The following PTPRN2 variants were observed in gnomAD, a reference collection of about 807,000 sequenced individuals.
PTPRN2 encodes protein tyrosine phosphatase receptor type N2.
PTPRN2 carries 74 observed loss-of-function variants against 118.8 expected under a neutral mutation model. The ratio of observed to expected loss-of-function variants is 0.62; its 90% CI spans 0.52 to 0.76. The LOEUF (loss-of-function observed/expected upper bound fraction) is 0.76. Ranked by LOEUF, PTPRN2 falls within the 30% of genes least tolerant of loss-of-function variation. The pLI is 0.00. For missense variants in PTPRN2, 1,481 were observed against 1,394.4 expected (o/e 1.06, Z -0.99); for synonymous variants, 641 against 608.0 (o/e 1.05, Z -0.80).
intron 6 of PTPRN2, among the ~76,000 whole-genome samples, chr7:158,149,297 A>T (rs569035769): frequency 6.6e-6 from 1 of 152,200 alleles, no homozygotes; most frequent in Non-Finnish European, 1.5e-5. Context: ...TTATAAAGCA[A>T]TGTCATCAAT....
intron 11 of PTPRN2, among the ~76,000 whole-genome samples, chr7:157,969,813 C>T (rs1802194723): frequency 6.6e-6 from 1 of 151,964 alleles, no homozygotes; most frequent in Non-Finnish European, 1.5e-5. Context: ...GCTGGAGTCA[C>T]AGACCTGGAT....
At chr7:157,673,128 A>G (rs1796494575) in intron 13 of PTPRN2, among the ~76,000 whole-genome samples, 2 of 151,972 alleles carry the variant, frequency 1.3e-5, no homozygotes, top group Non-Finnish European at 2.9e-5. Flanking sequence ...GGTTCAAGCA[A>G]TTTTCCTGCC....
At chr7:158,180,599 G>C (rs1353810634) in intron 5 of PTPRN2, among the ~76,000 whole-genome samples, 2 of 152,148 alleles carry the variant, frequency 1.3e-5, no homozygotes, top group African/African-American at 4.8e-5. Context: ...ATTTGTTTGT[G>C]TCATCTACAG....
chr7:158,318,823 C>T (rs957734230), intron 2 of PTPRN2, among the ~76,000 whole-genome samples: 4 of 152,192 alleles, frequency 2.6e-5, no homozygotes, highest in Non-Finnish European at 5.9e-5. Flanking sequence ...TCGGCCACTC[C>T]GGGTGTCTGC....
chr7:157,897,301 C>T (rs987242135), intron 12 of PTPRN2, among the ~76,000 whole-genome samples: 1 of 152,166 alleles, frequency 6.6e-6, no homozygotes, highest in South Asian at 2.1e-4. Context: ...GTCACAGCCA[C>T]CCCCGGCTGA....
intron 2 of PTPRN2, among the ~76,000 whole-genome samples, chr7:158,449,252 T>A (rs1269609076): frequency 1.3e-5 from 2 of 152,088 alleles, no homozygotes; most frequent in Non-Finnish European, 2.9e-5. Flanking sequence ...CAATTCCAGG[T>A]ACATGTCAAT....
chr7:157,656,637 A>G, intron 13 of PTPRN2, 86 bp from the exon 14 acceptor site: 4 of 1,279,550 alleles, frequency 3.1e-6, no homozygotes, highest in East Asian at 2.5e-5. Flanking sequence ...ACGTGGCACA[A>G]CCCCTTCTCC....
chr7:157,726,688 A>G (rs1435159655), intron 12 of PTPRN2, among the ~76,000 whole-genome samples: 1 of 152,250 alleles, frequency 6.6e-6, no homozygotes, highest in African/African-American at 2.4e-5. Context: ...TTGTGCGTCA[A>G]AGCGCACCAT....
At chr7:158,330,823 G>A (rs1410652813) in intron 2 of PTPRN2, among the ~76,000 whole-genome samples, 5 of 99,052 alleles carry the variant, frequency 5.0e-5, no homozygotes, top group South Asian at 4.4e-4. Context: ...GACACCCGCA[G>A]ACGTCACTCA....
intron 11 of PTPRN2, among the ~76,000 whole-genome samples, chr7:158,042,306 G>T (rs1205389635): frequency 6.6e-6 from 1 of 152,194 alleles, no homozygotes; most frequent in Non-Finnish European, 1.5e-5. Flanking sequence ...CTCTTCCCCA[G>T]CAGAGGGGTC....
Position 157,615,597 on chromosome 7 carries a change from C to T in PTPRN2, c.2344+5765G>A, listed in dbSNP as rs1340139130. On this transcript the variant is annotated intron_variant, in intron 15 of 22. Transcript: ENST00000389418. The surrounding 1 kb of genome is among the most constrained non-coding windows in gnomAD (Gnocchi z 4.3). ...CCTGGGAAGTCCCGCGGTGGATCCG[C>T]GTCACGGGGGAGGATTGGCTCAGCA... 1.7e-5 allele frequency: 8 copies of T among 471,074 alleles called. No individual in the cohort carries two copies. Among genetic ancestry groups the T allele is most frequent in the African/African-American group, 2.0e-5 (1 of 50,102 alleles). 29.2% of individuals were successfully genotyped at this position (471,074 alleles called of 1,614,324 possible).
In PTPRN2 at chr7:157,560,574, C is replaced by G. The variant is rs751126176; in HGVS notation, c.2902+8328G>C. On this transcript the variant is annotated intron_variant, in intron 21 of 22. Coordinates refer to ENST00000389418, the MANE Select transcript of PTPRN2 (RefSeq NM_002847.5). The surrounding 1 kb of genome is among the most constrained non-coding windows in gnomAD (Gnocchi z 6.7). ...GACACCTCACGCCCCACATCCCTCA[C>G]TGTTTCTCTTGCACCAGAATAGCTC... Among the ~76,000 whole-genome samples, 4 of 152,172 alleles carry G rather than the reference C, an allele frequency of 2.6e-5. No individual in the cohort carries two copies. The highest frequency in any genetic ancestry group is 4.8e-5 in the African/African-American group (2 of 41,448).
At chr7:157,803,917 G>GCCAGCACCC (rs1161939601) in intron 12 of PTPRN2, among the ~76,000 whole-genome samples, 65 of 152,056 alleles carry the variant, frequency 4.3e-4, no homozygotes, top group Admixed American at 1.8e-3. Context: ...TTTTCTTTTT[G>GCCAGCACCC]GTGTAATTTC....
intron 3 of PTPRN2, among the ~76,000 whole-genome samples, chr7:158,273,317 G>T (rs1415864867): frequency 6.6e-6 from 1 of 151,696 alleles, no homozygotes; most frequent in African/African-American, 2.4e-5. Context: ...TGAGCTCCTT[G>T]CCTGCTGGGG....
intron 11 of PTPRN2, among the ~76,000 whole-genome samples, chr7:158,072,495 C>A (rs1372610006): frequency 6.6e-6 from 1 of 152,160 alleles, no homozygotes. Flanking sequence ...CAAGCGTCCC[C>A]AGCAGACAAG....
intron 11 of PTPRN2, among the ~76,000 whole-genome samples, chr7:158,070,980 C>G (rs1378687761): frequency 4.6e-5 from 3 of 64,736 alleles, no homozygotes; most frequent in Admixed American, 3.0e-4. Context: ...GGTGGAGGTG[C>G]CCGTGGTGGT....
chr7:157,589,381 C>A (rs560737325), intron 17 of PTPRN2, among the ~76,000 whole-genome samples: 2 of 152,220 alleles, frequency 1.3e-5, no homozygotes, highest in Admixed American at 1.3e-4. Flanking sequence ...CCAATGGGTG[C>A]GTGTCTTTCA....
intron 2 of PTPRN2, among the ~76,000 whole-genome samples, chr7:158,387,881 G>C (rs769528076): frequency 6.6e-5 from 10 of 152,152 alleles, no homozygotes; most frequent in Non-Finnish European, 1.0e-4. Flanking sequence ...CTGCCCTGCA[G>C]ATGTCAGACC....
chr7:158,037,277 G>A (rs1313237853), intron 11 of PTPRN2, among the ~76,000 whole-genome samples: 1 of 152,226 alleles, frequency 6.6e-6, no homozygotes, highest in Admixed American at 6.5e-5. Flanking sequence ...AGAAGTGGAT[G>A]GGAAGACCAA....
Sources: gnomAD v4.1 joint callset for allele counts (sites outside exome capture counted in the v4.1 genomes callset) on GRCh38, gnomAD v4.1.1 for gene constraint, Gnocchi (gnomAD v3.1) non-coding constraint, MANE v1.5 for transcripts, NCBI Gene and HGNC (gene_info 2026-07-23, HGNC 2026-07-21) for gene names.